The following ATP2C1 variants were observed in gnomAD, a reference collection of about 807,000 sequenced individuals.
ATP2C1 encodes ATPase secretory pathway Ca2+ transporting 1, also known as calcium-transporting ATPase type 2C member 1.
A neutral mutation model predicts 120.5 loss-of-function variants in ATP2C1; 31 were observed. The ratio of observed to expected loss-of-function variants is 0.26; its 90% confidence interval spans 0.19 to 0.35. The LOEUF (loss-of-function observed/expected upper bound fraction) is 0.35, where lower values mean the gene tolerates loss of function less well. Among genes scored for constraint, ATP2C1 ranks in the 10% least tolerant of loss-of-function variants. The pLI is 1.00. For missense variants in ATP2C1, 731 were observed against 1,107.5 expected (o/e 0.66, Z 4.83); for synonymous variants, 351 against 358.7 (o/e 0.98, Z 0.24).
In ATP2C1 at chr3:130,910,857, TTA is replaced by T. The variant is rs988836975; in HGVS notation, c.6+16084_6+16085del. ...CTGCTGGATTCGTTTTGCCAGTATT[TTA>T]TTGAGGATTTTTGCATCAATGTTCA... On this transcript the variant is annotated intron_variant, in intron 2 of 27. Coordinates refer to ENST00000510168, the MANE Select transcript of ATP2C1 (RefSeq NM_001378687.1). 3.9e-5 allele frequency among the ~76,000 whole-genome samples: 3 copies of T among 77,330 alleles called. 1 individual carries two copies. The Admixed American group carries it at 4.2e-4, about 11-fold the overall frequency. The allele number at this position is 77,330 out of a possible 152,430, so 50.7% of individuals were successfully genotyped here.
exon 27 of ATP2C1, chr3:131,016,553 T>C (rs1012050292): frequency 6.6e-6 from 4 of 602,272 alleles, no homozygotes; most frequent in Non-Finnish European, 1.1e-5. Context: ...ATTCAACCCA[T>C]CGGAATTTAC....
intron 2 of ATP2C1, among the ~76,000 whole-genome samples, chr3:130,905,665 A>T (rs1309684406): frequency 6.6e-6 from 1 of 152,082 alleles, no homozygotes; most frequent in African/African-American, 2.4e-5. Flanking sequence ...TATTGTTTGT[A>T]TGCTGTTTTA....
chr3:130,960,164 C>T (rs1576889748), intron 12 of ATP2C1, among the ~76,000 whole-genome samples: 1 of 152,172 alleles, frequency 6.6e-6, no homozygotes. Flanking sequence ...TCAGACTTCT[C>T]ATTAGCAACT....
intron 18 of ATP2C1, among the ~76,000 whole-genome samples, chr3:130,978,146 C>T (rs920670693): frequency 3.9e-5 from 6 of 152,200 alleles, no homozygotes; most frequent in African/African-American, 1.4e-4. Flanking sequence ...CCATCAGCCT[C>T]TATCCTAACA....
intron 8 of ATP2C1, among the ~76,000 whole-genome samples, chr3:130,941,996 G>A (rs938523304): frequency 1.3e-5 from 2 of 152,126 alleles, no homozygotes; most frequent in Non-Finnish European, 2.9e-5. Context: ...CATACTATGT[G>A]TACACAAATT....
At position 130,967,910 on chromosome 3, in the gene ATP2C1, A is replaced by T. The variant is rs1409751373; in HGVS notation, c.1308+491A>T. 2.0e-5 allele frequency among the ~76,000 whole-genome samples: 3 copies of T among 152,198 alleles called. No homozygotes were observed. The South Asian group carries it at 6.2e-4, about 31-fold the overall frequency. ...ATTTGTTTTGGGGAGAAGAAGTCTC[A>T]GTTAACTTTTCATCTGTCCCAATCC... On this transcript the variant is annotated intron_variant, in intron 16 of 27. Coordinates refer to ENST00000510168, the MANE Select transcript of ATP2C1 (RefSeq NM_001378687.1).
At chr3:130,980,421 A>G in intron 19 of ATP2C1, 161 bp from the exon 20 acceptor site, 3 of 594,876 alleles carry the variant, frequency 5.0e-6, no homozygotes, top group Non-Finnish European at 9.1e-6. Flanking sequence ...ATGAAAGTCA[A>G]ACATAAAACT....
intron 2 of ATP2C1, among the ~76,000 whole-genome samples, chr3:130,907,744 T>TC (rs2058203538): frequency 1.3e-5 from 2 of 151,554 alleles, no homozygotes; most frequent in Admixed American, 6.6e-5. Flanking sequence ...TTTTTTTTTT[T>TC]CAGATTGTTT....
chr3:130,935,237 A>G (rs2059615293), intron 5 of ATP2C1, among the ~76,000 whole-genome samples: 1 of 152,182 alleles, frequency 6.6e-6, no homozygotes, highest in Non-Finnish European at 1.5e-5. Flanking sequence ...ACAAATATGA[A>G]ATTTTATAAT....
chr3:130,886,641 A>G (rs1440170789), intron 1 of ATP2C1, among the ~76,000 whole-genome samples: 1 of 152,092 alleles, frequency 6.6e-6, no homozygotes, highest in Non-Finnish European at 1.5e-5. Flanking sequence ...ACTCTGATGC[A>G]TTCTTTAGTA....
chr3:130,902,798 ACTTTATTTTGTAAGGTGTTGAATATTCC>A (rs1459546535), intron 2 of ATP2C1, among the ~76,000 whole-genome samples: 1 of 151,132 alleles, frequency 6.6e-6, no homozygotes, highest in Non-Finnish European at 1.5e-5. Flanking sequence ...GTGTCTTTTT[ACTTTATTTTGTAAGGTGTTGAATATTCC>A]CTTTATTTTG....
rs76966492 is a variant in ATP2C1, at chr3:130,862,625, G to T, written c.108+11697G>T. Among the ~76,000 whole-genome samples the T allele has an allele frequency of 5.7e-3, 873 of 152,294 alleles. 9 individuals carry two copies. Among genetic ancestry groups the T allele is most frequent in the African/African-American group, 0.019 (796 of 41,562 alleles). On this transcript the variant is annotated intron_variant, in intron 1 of 26. Transcript: ENST00000504381. ...TCTCCTTTACTACCCACATACTTCA[G>T]GTGCTGAGCACCATAGGACATATTT...
chr3:130,991,383 G>A (rs914034916), intron 20 of ATP2C1, among the ~76,000 whole-genome samples: 1 of 152,114 alleles, frequency 6.6e-6, no homozygotes, highest in African/African-American at 2.4e-5. Context: ...TGCAGTTGTG[G>A]TAACAGTATG....
chr3:131,011,209 T>C (rs1388553791), intron 26 of ATP2C1, among the ~76,000 whole-genome samples: 1 of 152,216 alleles, frequency 6.6e-6, no homozygotes, highest in Non-Finnish European at 1.5e-5. Context: ...AGACCTGTGA[T>C]TATATTTACA....
intron 1 of ATP2C1, among the ~76,000 whole-genome samples, chr3:130,878,213 A>T (rs1278579097): frequency 6.6e-6 from 1 of 151,986 alleles, no homozygotes; most frequent in Admixed American, 6.5e-5. Flanking sequence ...GGTGCAGCAC[A>T]CCAAGATGGC....
At position 130,872,978 on chromosome 3, in the gene ATP2C1, T is replaced by C. The variant is rs80097063; in HGVS notation, c.108+22050T>C. Among the ~76,000 whole-genome samples the C allele has an allele frequency of 4.8e-3, 736 of 152,198 alleles. 9 individuals carry two copies. Among genetic ancestry groups the C allele is most frequent in the African/African-American group, 0.017 (693 of 41,514 alleles). ...TTTCTCCAGTAATGGTATCTGAAGG[T>C]TGAATAAAAACAAGTGAATAGATGT... On this transcript the variant is annotated intron_variant, in intron 1 of 26. Coordinates refer to the ATP2C1 transcript ENST00000504381.
intron 2 of ATP2C1, among the ~76,000 whole-genome samples, chr3:130,907,005 A>T (rs1026761017): frequency 6.6e-6 from 1 of 151,952 alleles, no homozygotes; most frequent in South Asian, 2.1e-4. Flanking sequence ...TGTCTATTCA[A>T]ATCTTTTGAC....
At chr3:130,999,795 T>C (rs2108950935) in intron 27 of ATP2C1, 136 bp downstream of exon 27, 2 of 883,940 alleles carry the variant, frequency 2.3e-6, no homozygotes, top group East Asian at 5.4e-5. Flanking sequence ...GTCTATTTTT[T>C]CACTTGGGGA....
chr3:130,948,503 G>A (rs768623116), intron 8 of ATP2C1, among the ~76,000 whole-genome samples: 6 of 152,056 alleles, frequency 3.9e-5, no homozygotes, highest in Admixed American at 1.3e-4. Context: ...TGATTATAAT[G>A]TGTTTAATTG....
Sources: allele counts gnomAD v4.1 joint callset (sites outside exome capture counted in the v4.1 genomes callset), GRCh38; gene constraint gnomAD v4.1.1; transcripts MANE v1.5; gene names NCBI Gene and HGNC (gene_info 2026-07-23, HGNC 2026-07-21).